Variants in SLC24A5 observed in about 807,000 individuals in gnomAD.
SLC24A5 encodes the protein sodium/potassium/calcium exchanger 5.
SLC24A5 carries 46 observed loss-of-function variants against 51.6 expected under a neutral mutation model. The ratio of observed to expected loss-of-function variants is 0.89; its 90% confidence interval spans 0.70 to 1.14. The LOEUF is 1.14. SLC24A5 is among the 50% of genes most tolerant of loss of function. The pLI, the probability that SLC24A5 is intolerant of heterozygous loss-of-function variation, is 0.00. For missense variants in SLC24A5, 581 were observed against 604.1 expected (o/e 0.96, Z 0.40); for synonymous variants, 230 against 214.9 (o/e 1.07, Z -0.62).
intron 1 of SLC24A5, 121 bp downstream of exon 1, chr15:48,121,286 A>G (rs2038676727): frequency 9.4e-7 from 1 of 1,063,280 alleles, no homozygotes; most frequent in African/African-American, 1.6e-5. Flanking sequence ...TACGCTTCTG[A>G]ATTTTAGCAT....
At chr15:48,131,012 C>T (rs1465372483) in intron 2 of SLC24A5, among the ~76,000 whole-genome samples, 2 of 152,016 alleles carry the variant, frequency 1.3e-5, no homozygotes, top group African/African-American at 4.8e-5. Flanking sequence ...CCTCCTGGGC[C>T]TGTTTATCTG....
At chr15:48,133,197 CAA>C (rs1302067538) in intron 2 of SLC24A5, among the ~76,000 whole-genome samples, 6 of 152,100 alleles carry the variant, frequency 3.9e-5, no homozygotes, top group Admixed American at 2.0e-4. Flanking sequence ...TAAACATCAA[CAA>C]AGAGTTGCCA....
intron 2 of SLC24A5, chr15:48,123,419 A>G (rs991929667): frequency 2.0e-5 from 3 of 152,078 alleles, no homozygotes; most frequent in African/African-American, 7.2e-5. Flanking sequence ...CTTGCTTTAT[A>G]TACAGTTTGG....
At position 48,134,823 on chromosome 15, in the gene SLC24A5, A is replaced by G; in HGVS notation, c.490-61A>G. On this transcript the variant is annotated intron_variant, in intron 4 of 8. Coordinates refer to ENST00000341459, the MANE Select transcript of SLC24A5 (RefSeq NM_205850.3). ...AATATATAAACAATTTTAGTATTATACTAAGGATTGTACTTGAAGAAGTTA... is the reference window on the plus strand; with the variant it reads ...AATATATAAACAATTTTAGTATTATGCTAAGGATTGTACTTGAAGAAGTTA... The G allele has an allele frequency of 4.8e-6, 6 of 1,256,748 alleles. No homozygotes were observed. The South Asian group carries it at 7.9e-5, about 16-fold the overall frequency. The allele number at this position is 1,256,748 out of a possible 1,614,324, so 77.8% of individuals were successfully genotyped here.
intron 2 of SLC24A5, among the ~76,000 whole-genome samples, chr15:48,125,477 A>G (rs1035887420): frequency 4.6e-5 from 7 of 152,242 alleles, no homozygotes; most frequent in African/African-American, 1.7e-4. Flanking sequence ...CAACTGCTAC[A>G]TGATAAAACT....
In SLC24A5 at chr15:48,121,183, T is replaced by C; in HGVS notation, c.121+18T>C. The C allele has an allele frequency of 6.3e-7, 1 of 1,593,884 alleles. No homozygotes were observed. Among genetic ancestry groups the C allele is most frequent in the African/African-American group, 1.3e-5 (1 of 74,170 alleles). On this transcript the variant is annotated intron_variant, in intron 1 of 8. Coordinates refer to ENST00000341459, the MANE Select transcript of SLC24A5 (RefSeq NM_205850.3). ...GGCCACAGGTAGGTGGACATTGGGG[T>C]CAGTTAGCTCTGCAGCAGCAGCTGC...
intron 2 of SLC24A5, chr15:48,123,093 T>A (rs2038696497): frequency 6.6e-6 from 1 of 151,920 alleles, no homozygotes; most frequent in African/African-American, 2.4e-5. Flanking sequence ...TATACCAGAA[T>A]CTGTAGGCTC....
At chr15:48,139,231 G>T in intron 7 of SLC24A5, 56 bp downstream of exon 7, 3 of 1,429,046 alleles carry the variant, frequency 2.1e-6, no homozygotes, top group Admixed American at 1.8e-5. Context: ...AGAACAAATT[G>T]CATATGTTCA....
At chr15:48,124,964 C>G (rs1482039385) in intron 2 of SLC24A5, among the ~76,000 whole-genome samples, 1 of 152,146 alleles carries the variant, frequency 6.6e-6, no homozygotes, top group Non-Finnish European at 1.5e-5. Flanking sequence ...AATTCTGTCA[C>G]TTCTCTTTTC....
intron 8 of SLC24A5, chr15:48,141,815 T>C (rs2039100041): frequency 3.0e-6 from 1 of 337,658 alleles, no homozygotes; most frequent in Non-Finnish European, 5.3e-6. Context: ...TGAAAAATGG[T>C]TTAATAAATA....
intron 2 of SLC24A5, 134 bp from the exon 3 acceptor site, chr15:48,134,124 A>T (rs1597257487): frequency 1.3e-6 from 1 of 742,084 alleles, no homozygotes; most frequent in Non-Finnish European, 2.2e-6. Context: ...GGACTCTTTT[A>T]ATCTGTGTAT....
At chr15:48,129,256 G>A (rs1334221908) in intron 2 of SLC24A5, among the ~76,000 whole-genome samples, 1 of 152,040 alleles carries the variant, frequency 6.6e-6, no homozygotes, top group East Asian at 1.9e-4. Flanking sequence ...ACATCCCAGA[G>A]CATATACATG....
chr15:48,142,189 T>C lies in SLC24A5; in HGVS notation c.1341T>C (p.Ile447=). The change falls in exon 9 of 9, where the codon ATT becomes ATC. Residue 447 remains isoleucine (I), a synonymous_variant. Coordinates refer to ENST00000341459, the MANE Select transcript of SLC24A5 (RefSeq NM_205850.3). The stretch of plus-strand genomic sequence containing the variant: ...CTTACATAACCATCTCTCTCAACAT[T>C]TCAATTATTTTTCTTTTTTTAGCAG... ...GLTYITISLN[I]SIIFLFLAVH... 1 of 1,613,810 alleles carries C rather than the reference T, an allele frequency of 6.2e-7. No individual in the cohort carries two copies. The highest frequency in any genetic ancestry group is 8.5e-7 in the Non-Finnish European group (1 of 1,179,888).
rs1426222274 is a variant in SLC24A5 at position 48,121,108 on chromosome 15, A to G, written c.64A>G (p.Thr22Ala). Residue 22 changes from threonine to alanine, a missense_variant, in exon 1 of 9, where the codon ACT becomes GCT. Physicochemically the swap from Thr to Ala is moderately conservative, Grantham distance 58. Transcript: ENST00000341459. ...TCTGTTGCTCGGCATCCTGTGGGCC[A>G]CTGCACATCTGCCTCTCTCAGGGAC... ...RALLLGILWA[T>A]AHLPLSGTSL... 2 of 1,613,930 alleles carry G rather than the reference A, an allele frequency of 1.2e-6. No individual in the cohort carries two copies. The highest frequency in any genetic ancestry group is 2.2e-5 in the South Asian group (2 of 91,066).
At chr15:48,125,013 A>C (rs1260416506) in intron 2 of SLC24A5, among the ~76,000 whole-genome samples, 1 of 152,182 alleles carries the variant, frequency 6.6e-6, no homozygotes, top group Non-Finnish European at 1.5e-5. Flanking sequence ...TGACATCAGC[A>C]ATAAAAAACA....
chr15:48,134,071 T>C lies in SLC24A5; in HGVS notation c.302-187T>C, dbSNP rs2140726914. ...TCTCCTGGCCTTCCCTCACCCTTTC[T>C]ATAGAAGCATTAAGTAATGAAGTCA... On this transcript the variant is annotated intron_variant, in intron 2 of 8. Transcript: ENST00000341459. 2.0e-5 allele frequency among the ~76,000 whole-genome samples: 3 copies of C among 152,234 alleles called. No individual in the cohort carries two copies. The East Asian group carries it at 5.8e-4, about 29-fold the overall frequency.
At chr15:48,126,005 C>T (rs1183387662) in intron 2 of SLC24A5, among the ~76,000 whole-genome samples, 1 of 152,162 alleles carries the variant, frequency 6.6e-6, no homozygotes, top group Admixed American at 6.5e-5. Context: ...CTCCGTGCAG[C>T]GATGAGCTGG....
intron 6 of SLC24A5, 43 bp downstream of exon 6, chr15:48,137,006 G>T (rs999614377): frequency 6.5e-7 from 1 of 1,539,670 alleles, no homozygotes; most frequent in Non-Finnish European, 8.7e-7. Context: ...ATTCGCAAAG[G>T]AAAAACTTTA....
chr15:48,139,534 GAAC>G (rs2038993062), intron 7 of SLC24A5: 1 of 151,998 alleles, frequency 6.6e-6, no homozygotes, highest in Non-Finnish European at 1.4e-5. Context: ...AAAAAAAAAA[GAAC>G]AAAAAAACAA....
Sources: gnomAD v4.1 joint callset for allele counts (sites outside exome capture counted in the v4.1 genomes callset) on GRCh38, gnomAD v4.1.1 for gene constraint, MANE v1.5 for transcripts, NCBI Gene and HGNC (gene_info 2026-07-23, HGNC 2026-07-21) for gene names.